VPS8: variants seen among roughly 807,000 people sequenced by gnomAD.
VPS8 encodes vacuolar protein sorting-associated protein 8 homolog.
VPS8 carries 129 observed loss-of-function variants against 216.4 expected under a neutral mutation model. The observed-to-expected ratio is 0.60, with a 90% CI of 0.52 to 0.69. The LOEUF is 0.69. VPS8 is among the 30% of genes least tolerant of loss of function. The pLI is 0.00. For synonymous variants in VPS8, 571 were observed against 565.4 expected (o/e 1.01, Z -0.14); for missense variants, 1,531 against 1,683.5 (o/e 0.91, Z 1.59).
intron 36 of VPS8, among the ~76,000 whole-genome samples, chr3:184,943,509 A>G (rs1049737661): frequency 9.2e-5 from 14 of 152,236 alleles, no homozygotes; most frequent in African/African-American, 2.7e-4. Flanking sequence ...GGTCAAAACA[A>G]CATCAAGAAT....
intron 1 of VPS8, among the ~76,000 whole-genome samples, chr3:184,819,158 ACAATTAAGAGGAAATAACAGAATTAT>A (rs1716993977): frequency 6.6e-6 from 1 of 152,196 alleles, no homozygotes; most frequent in African/African-American, 2.4e-5. Context: ...GTTGGGAATA[ACAATTAAGAGGAAATAACAGAATTAT>A]CAAGATGTCA....
At chr3:184,834,871 G>T (rs918765974) in intron 5 of VPS8, 129 bp downstream of exon 5, 29 of 673,078 alleles carry the variant, frequency 4.3e-5, no homozygotes, top group Non-Finnish European at 6.2e-5. Flanking sequence ...TGGCTTTCAT[G>T]GTTTTTGTGT....
At chr3:185,033,388 T>C (rs1474040602) in intron 46 of VPS8, among the ~76,000 whole-genome samples, 4 of 152,210 alleles carry the variant, frequency 2.6e-5, no homozygotes, top group Non-Finnish European at 5.9e-5. Flanking sequence ...GTATATAGGC[T>C]TTCTAACTTG....
chr3:184,940,223 G>C lies in VPS8; in HGVS notation c.3015G>C (p.Leu1005Phe). The part of the protein sequence containing the change: ...LQNQVLLFKF[L>F]RSLLDPREGI... ...ACCAGGTTTTGCTTTTCAAATTTTT[G>C]AGGAGTCTTCTTGACCCAAGGTATG... is the stretch of plus-strand genomic sequence containing the variant. The change falls in exon 36 of 48, where the codon TTG becomes TTC. Residue 1005 changes from leucine (L) to phenylalanine (F), a missense_variant. Transcript: ENST00000625842. 1 of 1,485,970 alleles carries C rather than the reference G, an allele frequency of 6.7e-7. No individual in the cohort carries two copies. 92.0% of individuals were successfully genotyped at this position (1,485,970 alleles called of 1,614,324 possible).
intron 46 of VPS8, among the ~76,000 whole-genome samples, chr3:185,031,982 G>C (rs1337160244): frequency 6.6e-6 from 1 of 152,134 alleles, no homozygotes; most frequent in East Asian, 1.9e-4. Context: ...TGACCAACAT[G>C]ATGAAACCCT....
chr3:184,992,145 C>T (rs1020030628), intron 42 of VPS8, among the ~76,000 whole-genome samples: 10 of 152,142 alleles, frequency 6.6e-5, no homozygotes, highest in Admixed American at 1.3e-4. Flanking sequence ...ACCTATTCTG[C>T]AAGAGCCATC....
Position 184,894,937 on chromosome 3 carries a change from G to A in VPS8, c.2004+12G>A. ...TAGATATTCAGCAGGTGAGTTTATAGACAGTCTACTAACTTATGAAATAAA... is the reference window on the plus strand; with the variant it reads ...TAGATATTCAGCAGGTGAGTTTATAAACAGTCTACTAACTTATGAAATAAA... On this transcript the variant is annotated intron_variant, in intron 23 of 47. Coordinates refer to ENST00000625842, the MANE Select transcript of VPS8 (RefSeq NM_001009921.3). 1 of 1,582,384 alleles carries A rather than the reference G, an allele frequency of 6.3e-7. No homozygotes were observed. The highest frequency in any genetic ancestry group is 8.6e-7 in the Non-Finnish European group (1 of 1,161,114).
intron 21 of VPS8, among the ~76,000 whole-genome samples, chr3:184,881,659 C>T (rs868701433): frequency 6.6e-6 from 1 of 151,902 alleles, no homozygotes; most frequent in Non-Finnish European, 1.5e-5. Context: ...AGAATAATCT[C>T]GTCTATATCT....
chr3:184,934,846 G>A (rs1253739706), intron 34 of VPS8, among the ~76,000 whole-genome samples: 2 of 152,128 alleles, frequency 1.3e-5, no homozygotes. Flanking sequence ...GTGTCAAAAT[G>A]TTACTAGCCT....
chr3:184,866,669 TAGG>T (rs1480781973), intron 16 of VPS8, among the ~76,000 whole-genome samples: 1 of 152,214 alleles, frequency 6.6e-6, no homozygotes, highest in Non-Finnish European at 1.5e-5. Context: ...CGCTGGGATG[TAGG>T]AGATGAAAGT....
At chr3:184,910,115 G>A (rs1736205943) in intron 25 of VPS8, among the ~76,000 whole-genome samples, 1 of 143,376 alleles carries the variant, frequency 7.0e-6, no homozygotes, top group African/African-American at 2.6e-5. Context: ...TCTTTTCTTT[G>A]CAAGATTCTC....
intron 30 of VPS8, 78 bp from the exon 31 acceptor site, chr3:184,926,516 G>T (rs1345005735): frequency 7.1e-7 from 1 of 1,409,110 alleles, no homozygotes; most frequent in Non-Finnish European, 9.7e-7. Flanking sequence ...TATTTGAAAG[G>T]GTAGTTATTA....
At chr3:184,926,497 TG>T in intron 30 of VPS8, 96 bp from the exon 31 acceptor site, 3 of 1,236,534 alleles carry the variant, frequency 2.4e-6, no homozygotes, top group Non-Finnish European at 3.4e-6. Context: ...TGGGTGTGAA[TG>T]AGTTGGTTAT....
At chr3:184,959,856 T>C (rs1056338055) in intron 37 of VPS8, among the ~76,000 whole-genome samples, 6 of 152,152 alleles carry the variant, frequency 3.9e-5, no homozygotes, top group Non-Finnish European at 7.4e-5. Flanking sequence ...TTTTTTATTA[T>C]ACTTTAAGTT....
At chr3:185,014,107 G>A (rs957369943) in intron 45 of VPS8, among the ~76,000 whole-genome samples, 3 of 152,174 alleles carry the variant, frequency 2.0e-5, no homozygotes, top group Non-Finnish European at 4.4e-5. Context: ...AGCCAAAATG[G>A]ATAAATATGC....
chr3:184,886,169 T>C lies in VPS8; in HGVS notation c.1781+13T>C, dbSNP rs186350720. 2.5e-5 allele frequency: 40 copies of C among 1,602,954 alleles called. No homozygotes were observed. Among genetic ancestry groups the C allele is most frequent in the African/African-American group, 1.5e-4 (11 of 74,966 alleles). On this transcript the variant is annotated intron_variant, in intron 22 of 47. Transcript: ENST00000625842. ...TGCTGCAGCGAAAGTGAGTATGCGT[T>C]GCCTGTCACATTCAATTATTTTGAA... is the stretch of plus-strand genomic sequence containing the variant.
intron 40 of VPS8, among the ~76,000 whole-genome samples, chr3:184,974,122 C>G (rs1748874316): frequency 6.6e-6 from 1 of 152,080 alleles, no homozygotes; most frequent in Non-Finnish European, 1.5e-5. Context: ...TCAGGAACCC[C>G]CATACTGTTT....
intron 23 of VPS8, among the ~76,000 whole-genome samples, chr3:184,898,011 C>T (rs1030803696): frequency 6.6e-6 from 1 of 151,908 alleles, no homozygotes; most frequent in Non-Finnish European, 1.5e-5. Flanking sequence ...AATGTTGTTC[C>T]TTTAGGGGTG....
At chr3:184,891,217 G>A (rs1204232194) in intron 22 of VPS8, among the ~76,000 whole-genome samples, 1 of 152,134 alleles carries the variant, frequency 6.6e-6, no homozygotes, top group South Asian at 2.1e-4. Context: ...AGAAGCCATC[G>A]TTCCAATGGC....
Sources: gnomAD v4.1 joint callset for allele counts (sites outside exome capture counted in the v4.1 genomes callset) on GRCh38, gnomAD v4.1.1 for gene constraint, MANE v1.5 for transcripts, NCBI Gene and HGNC (gene_info 2026-07-23, HGNC 2026-07-21) for gene names.